The following ERC1 variants were observed in gnomAD, a reference collection of about 807,000 sequenced individuals.
The protein encoded by ERC1 is ELKS/RAB6-interacting/CAST family member 1, also known as RAB6 interacting protein 2.
A neutral mutation model predicts 132.0 loss-of-function variants in ERC1; 56 were observed. The observed-to-expected ratio is 0.42, with a 90% CI of 0.34 to 0.53. ERC1 has a LOEUF of 0.53. Ranked by LOEUF, ERC1 falls within the 20% of genes least tolerant of loss-of-function variation. The pLI is 0.03. For missense variants in ERC1, 1,202 were observed against 1,349.9 expected (o/e 0.89, Z 1.72); for synonymous variants, 478 against 476.1 (o/e 1.00, Z -0.05).
At chr12:1,195,021 C>T (rs1481651718) in intron 12 of ERC1, among the ~76,000 whole-genome samples, 2 of 151,894 alleles carry the variant, frequency 1.3e-5, no homozygotes, top group Non-Finnish European at 2.9e-5. Flanking sequence ...CGAGAAAGAC[C>T]TGTCTGATAA....
chr12:1,422,215 G>A (rs1005747076), intron 17 of ERC1, among the ~76,000 whole-genome samples: 21 of 152,342 alleles, frequency 1.4e-4, no homozygotes, highest in Admixed American at 1.4e-3. Context: ...AGTTAGCTTG[G>A]CCTATGCCCA....
In ERC1 at chr12:1,450,557, G is replaced by A. The variant is rs116193410; in HGVS notation, c.3213+5807G>A. Among the ~76,000 whole-genome samples, 682 of 152,236 alleles carry A rather than the reference G, an allele frequency of 4.5e-3. 8 individuals are homozygous for A. The highest frequency in any genetic ancestry group is 0.016 in the African/African-American group (648 of 41,534). On this transcript the variant is annotated intron_variant, in intron 18 of 18. Transcript: ENST00000360905. Reference sequence around the variant, plus strand: ...TTCATTCCTCCATTGATGAACACTCGGGTTGCTTCCACATTTTAGCTCTCA... The same window carrying A: ...TTCATTCCTCCATTGATGAACACTCAGGTTGCTTCCACATTTTAGCTCTCA...
chr12:1,236,966 T>C, intron 13 of ERC1, 62 bp downstream of exon 13: 3 of 1,578,918 alleles, frequency 1.9e-6, no homozygotes, highest in Non-Finnish European at 2.6e-6. Context: ...AATCGCATGT[T>C]GTTTTTCTCT....
chr12:1,057,929 A>C (rs756212702), intron 2 of ERC1, among the ~76,000 whole-genome samples: 15 of 152,062 alleles, frequency 9.9e-5, no homozygotes, highest in Non-Finnish European at 2.1e-4. Flanking sequence ...TCAGGTGTGT[A>C]GGATTATTAG....
At chr12:1,013,653 A>G (rs2154140501) in intron 1 of ERC1, among the ~76,000 whole-genome samples, 1 of 152,284 alleles carries the variant, frequency 6.6e-6, no homozygotes, top group East Asian at 1.9e-4. Context: ...GACTTAATAC[A>G]TTTTAGTTAC....
At chr12:1,014,021 A>AT (rs55805313) in intron 1 of ERC1, among the ~76,000 whole-genome samples, 64,557 of 147,476 alleles carry the variant, frequency 0.44, 16,918 homozygotes, top group East Asian at 0.8. Context: ...GTGCCTGGTG[A>AT]TTTTTTTTTT....
intron 7 of ERC1, among the ~76,000 whole-genome samples, chr12:1,116,711 T>G (rs1248628717): frequency 6.6e-6 from 1 of 151,934 alleles, no homozygotes; most frequent in Non-Finnish European, 1.5e-5. Flanking sequence ...GCCTCCTGAG[T>G]AGCTGGGATT....
At chr12:1,480,039 A>G (rs1458508575) in intron 18 of ERC1, among the ~76,000 whole-genome samples, 1 of 151,934 alleles carries the variant, frequency 6.6e-6, no homozygotes, top group Non-Finnish European at 1.5e-5. Context: ...TGTCATTCCA[A>G]CAGTCCTTTC....
At chr12:1,294,992 A>AGAAGATG (rs1236570894) in intron 15 of ERC1, among the ~76,000 whole-genome samples, 1 of 152,214 alleles carries the variant, frequency 6.6e-6, no homozygotes, top group Non-Finnish European at 1.5e-5. Context: ...AAAGAGGATT[A>AGAAGATG]GAAGATGGTC....
At chr12:1,253,879 T>C (rs2076622550) in intron 13 of ERC1, among the ~76,000 whole-genome samples, 1 of 152,188 alleles carries the variant, frequency 6.6e-6, no homozygotes, top group South Asian at 2.1e-4. Context: ...TGCCCTAGTC[T>C]CTTTGAATAT....
chr12:1,037,066 G>C (rs552343887), intron 2 of ERC1, among the ~76,000 whole-genome samples: 1 of 152,312 alleles, frequency 6.6e-6, no homozygotes, highest in East Asian at 1.9e-4. Context: ...TGGGAAATTT[G>C]CTTCTTTTAC....
chr12:992,356 A>C (rs1048689550), intron 1 of ERC1, among the ~76,000 whole-genome samples: 1 of 152,206 alleles, frequency 6.6e-6, no homozygotes, highest in African/African-American at 2.4e-5. Context: ...TGTTGGAGCT[A>C]ATTATATGAA....
intron 13 of ERC1, among the ~76,000 whole-genome samples, chr12:1,258,192 A>G (rs935911865): frequency 2.0e-5 from 3 of 152,204 alleles, no homozygotes; most frequent in African/African-American, 7.2e-5. Flanking sequence ...CAGTAAGTCA[A>G]CTTCCTAATT....
At chr12:1,208,591 A>G (rs766232710) in intron 12 of ERC1, among the ~76,000 whole-genome samples, 11 of 151,840 alleles carry the variant, frequency 7.2e-5, no homozygotes, top group Non-Finnish European at 1.3e-4. Context: ...TACTTGTATT[A>G]TTTGGTTTGC....
intron 12 of ERC1, among the ~76,000 whole-genome samples, chr12:1,194,450 T>A (rs1355052738): frequency 2.0e-5 from 3 of 150,704 alleles, no homozygotes; most frequent in Admixed American, 6.6e-5. Context: ...ATAAAATAAA[T>A]TAAATAAAGT....
intron 18 of ERC1, among the ~76,000 whole-genome samples, chr12:1,487,547 A>AAAAAAAAAAAAG (rs2094244894): frequency 6.9e-6 from 1 of 145,876 alleles, no homozygotes; most frequent in Admixed American, 6.9e-5. Flanking sequence ...TCTAAAAAAG[A>AAAAAAAAAAAAG]AAAAGAAAAG....
At chr12:1,400,916 A>ATTATTTTTTTTTTTT (rs2090981093) in intron 16 of ERC1, among the ~76,000 whole-genome samples, 1 of 15,040 alleles carries the variant, frequency 6.6e-5, no homozygotes, top group African/African-American at 3.1e-4. Context: ...CTATTTTTGT[A>ATTATTTTTTTTTTTT]TTTTTTTTTT....
In ERC1 at chr12:1,079,149, T is replaced by C. The variant is rs1467897778; in HGVS notation, c.670-4015T>C. Among the ~76,000 whole-genome samples, 4 of 123,646 alleles carry C rather than the reference T, an allele frequency of 3.2e-5. 1 individual carries two copies. The highest frequency in any genetic ancestry group is 5.7e-5 in the African/African-American group (2 of 35,328). 81.1% of individuals were successfully genotyped at this position (123,646 alleles called of 152,430 possible). ...TAGAAATGATTTGTAATATGACAAG[T>C]CGATATACAGAGATACAGATAGAAA... On this transcript the variant is annotated intron_variant, in intron 2 of 18. Transcript: ENST00000360905.
chr12:1,334,364 G>A (rs756013038), intron 15 of ERC1, among the ~76,000 whole-genome samples: 4 of 152,044 alleles, frequency 2.6e-5, no homozygotes, highest in African/African-American at 7.2e-5. Flanking sequence ...TTATAGTTTT[G>A]GGTTTTACAT....
Sources: gnomAD v4.1 joint callset for allele counts (sites outside exome capture counted in the v4.1 genomes callset) on GRCh38, gnomAD v4.1.1 for gene constraint, MANE v1.5 for transcripts, NCBI Gene and HGNC (gene_info 2026-07-23, HGNC 2026-07-21) for gene names.